GCN1: variants seen among roughly 807,000 people sequenced by gnomAD.
GCN1 encodes the protein stalled ribosome sensor GCN1.
In GCN1, 90 loss-of-function variants were observed where a neutral mutation model predicts 288.4. The ratio of observed to expected loss-of-function variants is 0.31; its 90% CI spans 0.26 to 0.37. The LOEUF is 0.37. Among genes scored for constraint, GCN1 ranks in the 10% least tolerant of loss-of-function variants. The pLI is 1.00. For synonymous variants in GCN1, 1,386 were observed against 1,420.2 expected, an observed-to-expected ratio of 0.98 and a Z score of 0.54; for missense variants, 2,586 against 3,419.9, an observed-to-expected ratio of 0.76 and a Z score of 6.08.
At chr12:120,128,629 G>C (rs991573518) in intron 57 of GCN1, among the ~76,000 whole-genome samples, 3 of 152,046 alleles carry the variant, frequency 2.0e-5, no homozygotes, top group African/African-American at 4.8e-5. Context: ...GAGCCACCGC[G>C]GCTGGCCAGC....
At chr12:120,184,067 C>G in intron 4 of GCN1, 45 bp downstream of exon 4, 2 of 1,553,584 alleles carry the variant, frequency 1.3e-6, no homozygotes, top group Non-Finnish European at 1.8e-6. Flanking sequence ...TTCTCCTGAG[C>G]AGGACTGTAC....
chr12:120,153,239 C>T lies in GCN1; in HGVS notation c.4036G>A (p.Ala1346Thr), dbSNP rs753160265. Residue 1346 changes from alanine to threonine, a missense_variant, in exon 33 of 58, where the codon GCT (alanine) becomes ACT (threonine). Physicochemically the swap from Ala to Thr is moderately conservative, Grantham distance 58. Around this residue, in one of 8 missense-constraint regions of GCN1, gnomAD observed 332 missense variants for 403.0 expected, o/e 0.82. Coordinates refer to ENST00000300648, the MANE Select transcript of GCN1 (RefSeq NM_006836.2). This position sits in a 1 kb window ranked among gnomAD's most constrained non-coding sequence, Gnocchi z 4.4. The stretch of plus-strand genomic sequence containing the variant: ...TGCTGGGAGGGGGTGGAGAGGGCAG[C>T]GATGAGCTTGGCAACAATGGGCTTC... ...KVKPIVAKLI[A>T]ALSTPSQQVQ... 1 of 1,614,160 alleles carries T rather than the reference C, an allele frequency of 6.2e-7. No individual in the cohort carries two copies. Among genetic ancestry groups the T allele is most frequent in the Non-Finnish European group, 8.5e-7 (1 of 1,180,024 alleles).
At position 120,158,078 on chromosome 12, in the gene GCN1, C is replaced by A; in HGVS notation, c.2906-48G>T. ...AGATTCTGCAGGCAGGGCAGGGACC[C>A]GGGCCACTGCTGCCTATTTCTATCC... On this transcript the variant is annotated intron_variant, in intron 25 of 57. Coordinates refer to ENST00000300648, the MANE Select transcript of GCN1 (RefSeq NM_006836.2). This position sits in a 1 kb window ranked among gnomAD's most constrained non-coding sequence, Gnocchi z 4.3. The A allele has an allele frequency of 6.4e-7, 1 of 1,566,790 alleles. No homozygotes were observed. The highest frequency in any genetic ancestry group is 8.8e-7 in the Non-Finnish European group (1 of 1,142,682).
At chr12:120,187,153 G>T (rs553979074) in intron 2 of GCN1, among the ~76,000 whole-genome samples, 1 of 152,130 alleles carries the variant, frequency 6.6e-6, no homozygotes, top group South Asian at 2.1e-4. Flanking sequence ...GGGTGAAGTG[G>T]TAGAAATAGG....
At chr12:120,166,295 CA>C (rs1400755809) in intron 16 of GCN1, among the ~76,000 whole-genome samples, 1 of 148,370 alleles carries the variant, frequency 6.7e-6, no homozygotes. Flanking sequence ...CCCAGCTACT[CA>C]AAGAGGCTGA....
chr12:120,147,609 A>G (rs1877403436), intron 37 of GCN1, among the ~76,000 whole-genome samples: 1 of 152,230 alleles, frequency 6.6e-6, no homozygotes, highest in Non-Finnish European at 1.5e-5. Context: ...ATCTCCCACT[A>G]TGATATAATG....
rs549301151 is a variant in GCN1, at chr12:120,166,568, G to A, written c.1612+1640C>T. ...AAATACAAAAAATTAGCCAGGCGTG[G>A]CGGCATGCACCTGTAGTCCCAGCTA... On this transcript the variant is annotated intron_variant, in intron 16 of 57. Coordinates refer to ENST00000300648, the MANE Select transcript of GCN1 (RefSeq NM_006836.2). Among the ~76,000 whole-genome samples the A allele has an allele frequency of 3.3e-5, 5 of 151,368 alleles. No individual in the cohort carries two copies. In the South Asian group the frequency reaches 1.0e-3, roughly 32 times the overall value.
chr12:120,179,699 G>A (rs540004569), intron 5 of GCN1, among the ~76,000 whole-genome samples: 3 of 150,832 alleles, frequency 2.0e-5, no homozygotes, highest in South Asian at 2.1e-4. Flanking sequence ...GCGCCCAGCC[G>A]GTCCCTGCTT....
chr12:120,143,612 G>A (rs1326873407), intron 42 of GCN1, among the ~76,000 whole-genome samples: 1 of 150,032 alleles, frequency 6.7e-6, no homozygotes, highest in Non-Finnish European at 1.5e-5. Context: ...AAAGACCACT[G>A]TATGAATGTG....
chr12:120,145,143 C>T lies in GCN1; in HGVS notation c.5017-82G>A, dbSNP rs533458965. 1.8e-5 allele frequency: 29 copies of T among 1,571,540 alleles called. No individual in the cohort carries two copies. The African/African-American group carries it at 2.3e-4, about 12-fold the overall frequency. The stretch of plus-strand genomic sequence containing the variant: ...GCCACATGGGAGCAGGAAGGGGCAC[C>T]GAGGGCCTCTTTCTCTTTACCCAAC... On this transcript the variant is annotated intron_variant, in intron 39 of 57. Transcript: ENST00000300648.
chr12:120,180,609 AAAAC>A (rs964473830), intron 5 of GCN1, among the ~76,000 whole-genome samples: 9 of 152,038 alleles, frequency 5.9e-5, no homozygotes, highest in African/African-American at 2.2e-4. Context: ...GTCTCAAAAA[AAAAC>A]AAACAAAAAT....
chr12:120,171,193 C>T (rs918468576), intron 14 of GCN1, among the ~76,000 whole-genome samples: 7 of 151,168 alleles, frequency 4.6e-5, no homozygotes, highest in African/African-American at 1.2e-4. Flanking sequence ...TGGCTGGGCA[C>T]GGTGGCTCAT....
At chr12:120,163,525 G>A (rs1878001609) in intron 18 of GCN1, among the ~76,000 whole-genome samples, 1 of 152,190 alleles carries the variant, frequency 6.6e-6, no homozygotes, top group Admixed American at 6.5e-5. Flanking sequence ...CCCAGCCTGT[G>A]GTGGCAAGTC....
At chr12:120,136,274 C>T (rs1877000391) in intron 51 of GCN1, among the ~76,000 whole-genome samples, 1 of 152,140 alleles carries the variant, frequency 6.6e-6, no homozygotes, top group South Asian at 2.1e-4. Context: ...GGTGAGGAAA[C>T]AGGCTTAGGT....
At chr12:120,152,018 G>A in intron 33 of GCN1, among the ~76,000 whole-genome samples, 1 of 143,886 alleles carries the variant, frequency 6.9e-6, no homozygotes, top group Non-Finnish European at 1.6e-5. Flanking sequence ...TTTTGGTAAA[G>A]TTTTTTGTTG....
In GCN1 at chr12:120,159,819, A is replaced by G. The variant is rs1316020334; in HGVS notation, c.2749+6T>C. 6.2e-7 allele frequency: 1 copy of G among 1,613,454 alleles called. No homozygotes were observed. The highest frequency in any genetic ancestry group is 1.6e-4 in the Middle Eastern group (1 of 6,074). On this transcript the variant is annotated splice_donor_region_variant and intron_variant, in intron 24 of 57. Transcript: ENST00000300648. ...CCATCCCTGCAGCCAGCAAACAAGG[A>G]CTAACCCAAAGCCTTGAGCCTAGAG...
intron 45 of GCN1, among the ~76,000 whole-genome samples, chr12:120,139,613 G>A (rs144429296): frequency 1.7e-3 from 251 of 151,920 alleles, no homozygotes; most frequent in African/African-American, 5.9e-3. Context: ...GGGTGACAGA[G>A]TAAGACCCCG....
At chr12:120,143,877 G>A (rs1419688689) in intron 42 of GCN1, among the ~76,000 whole-genome samples, 1 of 152,200 alleles carries the variant, frequency 6.6e-6, no homozygotes, top group Non-Finnish European at 1.5e-5. Context: ...TTACAAAATG[G>A]TTAAAAGCAA....
At chr12:120,182,970 C>T (rs999977647) in intron 5 of GCN1, among the ~76,000 whole-genome samples, 1 of 150,630 alleles carries the variant, frequency 6.6e-6, no homozygotes, top group Admixed American at 6.6e-5. Context: ...TCATGACCTA[C>T]ACTAAAAAAC....
Sources: gnomAD v4.1 joint callset for allele counts (sites outside exome capture counted in the v4.1 genomes callset) on GRCh38, gnomAD v4.1.1 for gene constraint, gnomAD v4.1.1 regional missense constraint, Gnocchi (gnomAD v3.1) non-coding constraint, MANE v1.5 for transcripts, NCBI Gene and HGNC (gene_info 2026-07-23, HGNC 2026-07-21) for gene names.